The following PLEKHN1 variants were observed in gnomAD, a reference collection of about 807,000 sequenced individuals.
PLEKHN1 encodes pleckstrin homology domain-containing family N member 1.
Under a neutral mutation model 72.8 loss-of-function variants are expected in PLEKHN1, and 68 were observed. The ratio of observed to expected loss-of-function variants is 0.93; its 90% CI spans 0.77 to 1.14. The LOEUF (loss-of-function observed/expected upper bound fraction) is 1.14. PLEKHN1 is among the 50% of genes most tolerant of loss of function. The pLI, the probability that PLEKHN1 is intolerant of heterozygous loss-of-function variation, is 0.00. For synonymous variants in PLEKHN1, 454 were observed against 371.6 expected (o/e 1.22, Z -2.55); for missense variants, 1,015 against 840.5 (o/e 1.21, Z -2.57).
In PLEKHN1 at chr1:974,477, T is replaced by A; in HGVS notation, c.1738T>A (p.Tyr580Asn). 6.2e-7 allele frequency: 1 copy of A among 1,612,800 alleles called. No homozygotes were observed. The highest frequency in any genetic ancestry group is 8.5e-7 in the Non-Finnish European group (1 of 1,179,954). ...CCCCAGGAGGAGCCGGGACCCCGGC[T>A]ACGACCACCTCTGGGACGAGACTTT... The part of the protein sequence containing the change: ...RSPRRSRDPG[Y>N]DHLWDETLSS... Residue 580 changes from tyrosine to asparagine, a missense_variant, in exon 16 of 16, where the codon TAC becomes AAC. Transcript: ENST00000379410.
Position 972,974 on chromosome 1 carries a change from G to T in PLEKHN1, c.1116G>T (p.Val372=). The T allele has an allele frequency of 6.3e-7, 1 of 1,590,204 alleles. No homozygotes were observed. Among genetic ancestry groups the T allele is most frequent in the East Asian group, 2.3e-5 (1 of 43,950 alleles). Residue 372 remains valine (V), a synonymous_variant, in exon 11 of 16, where the codon GTG becomes GTT. Transcript: ENST00000379410. The stretch of plus-strand genomic sequence containing the variant: ...GCCACTCCCTGCCTGAGTCCTCAGT[G>T]CCATCCACCGTGGGCTGCTCCTCCC... ...RTSHSLPESS[V]PSTVGCSSQH...
At chr1:967,188 C>T (rs2100446334) in intron 2 of PLEKHN1, among the ~76,000 whole-genome samples, 1 of 152,322 alleles carries the variant, frequency 6.6e-6, no homozygotes. Flanking sequence ...CGGTCACCTA[C>T]ACCGGCCTTT....
rs748373855 is a variant in PLEKHN1 at position 973,870 on chromosome 1, C to T, written c.1472C>T (p.Pro491Leu). The T allele has an allele frequency of 1.2e-6, 2 of 1,610,766 alleles. No individual in the cohort carries two copies. Among genetic ancestry groups the T allele is most frequent in the Middle Eastern group, 2.1e-4 (1 of 4,820 alleles). ...SAMQSARGPT[P>L]SSPLPSVPVS... ...ATGCAGAGTGCACGTGGACCCACGCCCTCGAGCCCACTCCCCTCGGTGCCT... is the reference window on the plus strand; with the variant it reads ...ATGCAGAGTGCACGTGGACCCACGCTCTCGAGCCCACTCCCCTCGGTGCCT... The change falls in exon 14 of 16, where the codon CCC becomes CTC. Residue 491 changes from proline to leucine, a missense_variant. Pro to Leu is a moderately conservative substitution (Grantham distance 98). Transcript: ENST00000379410.
Position 973,240 on chromosome 1 carries a change from C to A in PLEKHN1, c.1207C>A (p.Arg403Ser), listed in dbSNP as rs369629877. 1 of 1,542,768 alleles carries A rather than the reference C, an allele frequency of 6.5e-7. No homozygotes were observed. Among genetic ancestry groups the A allele is most frequent in the Admixed American group, 2.0e-5 (1 of 50,822 alleles). ...TGGCCGACGGAGGACCGAGCTGAGA[C>A]GCAGTGGCAGCAGCCGGTCACCCGG... ...SIGRRRTELR[R>S]SGSSRSPGSK... Residue 403 changes from arginine (R) to serine (S), a missense_variant, in exon 12 of 16, where the codon CGC becomes AGC. Arg to Ser is a moderately radical substitution (Grantham distance 110). Transcript: ENST00000379410.
Position 970,309 on chromosome 1 carries a change from C to A in PLEKHN1, c.216C>A (p.Asn72Lys). The change falls in exon 3 of 16, where the codon AAC becomes AAA. Residue 72 changes from asparagine (N) to lysine (K), a missense_variant. Asn to Lys is a moderately conservative substitution (Grantham distance 94, BLOSUM62 0). Coordinates refer to ENST00000379410, the MANE Select transcript of PLEKHN1 (RefSeq NM_032129.3). The surrounding 1 kb of genome is among the most constrained non-coding windows in gnomAD (Gnocchi z 4.2). ...DILDLENQRE[N>K]LEQPFLSVFK... is the part of the protein sequence containing the mutation. The stretch of plus-strand genomic sequence containing the variant: ...TGGACCTGGAGAACCAGCGAGAAAA[C>A]CTGGAGCAGCCATTCCTGAGTGTGT... 1 of 1,613,398 alleles carries A rather than the reference C, an allele frequency of 6.2e-7. No homozygotes were observed.
intron 7 of PLEKHN1, 24 bp downstream of exon 7, chr1:971,232 G>A: frequency 6.4e-7 from 1 of 1,563,704 alleles, no homozygotes; most frequent in Non-Finnish European, 8.7e-7. Flanking sequence ...GCGTGGGGCT[G>A]TAGGGGGATG....
intron 10 of PLEKHN1, 88 bp downstream of exon 10, chr1:972,512 TC>T (rs1206049262): frequency 9.2e-6 from 13 of 1,420,352 alleles, no homozygotes. Flanking sequence ...ACGCCTGTAA[TC>T]CCAGCATTTT....
rs1032870474 is a variant in PLEKHN1, at chr1:975,139, GAAGAGAA to G, written c.*565_*571del. The G allele has an allele frequency of 4.6e-5, 7 of 151,714 alleles. No individual in the cohort carries two copies. The highest frequency in any genetic ancestry group is 1.7e-4 in the African/African-American group (7 of 41,014). The allele number at this position is 151,714 out of a possible 1,614,324, so 9.4% of individuals were successfully genotyped here. A position where few individuals can be genotyped will look rare whatever the true frequency, so the allele number is the denominator to read the frequency against. Reference sequence around the variant, plus strand: ...AAGAGAGAGAGGAGAAGAGAGAAAAGAAGAGAAGAGAGAAGAGAAGAGAAGGAAAGAG... The same window carrying G: ...AAGAGAGAGAGGAGAAGAGAGAAAAGGAGAGAAGAGAAGAGAAGGAAAGAG... On this transcript the variant is annotated 3_prime_UTR_variant, in exon 16 of 16. Transcript: ENST00000379410.
At chr1:972,017 C>CA in intron 8 of PLEKHN1, 58 bp from the exon 9 acceptor site, 1 of 1,537,826 alleles carries the variant, frequency 6.5e-7, no homozygotes, top group Non-Finnish European at 8.9e-7. Flanking sequence ...GGGATGAGGC[C>CA]AGGCGGGGCC....
rs780559859 is a variant in PLEKHN1 at position 970,583 on chromosome 1, G to C, written c.393G>C (p.Ser131=). 1.8e-5 allele frequency: 29 copies of C among 1,612,608 alleles called. No individual in the cohort carries two copies. The highest frequency in any genetic ancestry group is 2.2e-5 in the South Asian group (2 of 90,944). Residue 131 remains serine (S), a synonymous_variant, in exon 4 of 16, where the codon TCG becomes TCC. Coordinates refer to ENST00000379410, the MANE Select transcript of PLEKHN1 (RefSeq NM_032129.3). The surrounding 1 kb of genome is among the most constrained non-coding windows in gnomAD (Gnocchi z 4.2). ...ACCTGTACTTCCAGGCCCACGGCTC[G>C]GAAGGACTCACATTTCAGGTGAGGC... The part of the protein sequence containing the change: ...PAHLYFQAHG[S]EGLTFQGLLP...
intron 2 of PLEKHN1, among the ~76,000 whole-genome samples, chr1:967,151 G>C (rs1643043626): frequency 6.6e-6 from 1 of 152,198 alleles, no homozygotes; most frequent in Non-Finnish European, 1.5e-5. Context: ...TTGAGAGTAA[G>C]GGGCCTCAGA....
rs755997177 is a variant in PLEKHN1, at chr1:971,026, C to A, written c.612+20C>A. ...CCACAGGTCAGTGCCGGGGACCCCA[C>A]CCCCCTCCCCACCCTGATCCTCGCA... On this transcript the variant is annotated intron_variant, in intron 6 of 15. Transcript: ENST00000379410. The A allele has an allele frequency of 1.1e-6, 1 of 891,378 alleles. No homozygotes were observed. The highest frequency in any genetic ancestry group is 1.8e-5 in the Admixed American group (1 of 55,916). 55.2% of individuals were successfully genotyped at this position (891,378 alleles called of 1,614,324 possible).
intron 2 of PLEKHN1, among the ~76,000 whole-genome samples, chr1:969,488 ATG>A (rs58914115): frequency 0.021 from 3,261 of 151,822 alleles, 99 homozygotes; most frequent in African/African-American, 0.071. Flanking sequence ...GTGTGCATGC[ATG>A]TGTGTGCATG....
intron 8 of PLEKHN1, 74 bp downstream of exon 8, chr1:971,478 A>T (rs1376366285): frequency 2.2e-6 from 3 of 1,350,748 alleles, no homozygotes; most frequent in Non-Finnish European, 3.1e-6. Flanking sequence ...GCCATGCAGG[A>T]GGAACCTGTA....
rs376427746 is a variant in PLEKHN1 at position 973,527 on chromosome 1, C to T, written c.1321C>T (p.Pro441Ser). ...GCACAGGCTGAGCCTGGAGAGCAGC[C>T]CAGATGCCCCTGACCACACTTCGGA... ...QLHRLSLESS[P>S]DAPDHTSETS... Residue 441 changes from proline to serine, a missense_variant, in exon 13 of 16, where the codon CCA (proline) becomes TCA (serine). Pro to Ser is a moderately conservative substitution (Grantham distance 74). Transcript: ENST00000379410. 7 of 1,613,226 alleles carry T rather than the reference C, an allele frequency of 4.3e-6. No individual in the cohort carries two copies. The highest frequency in any genetic ancestry group is 1.7e-6 in the Non-Finnish European group (2 of 1,179,968).
At chr1:971,456 T>G (rs1570036981) in intron 8 of PLEKHN1, 52 bp downstream of exon 8, 2 of 1,486,756 alleles carry the variant, frequency 1.3e-6, no homozygotes, top group South Asian at 2.4e-5. Context: ...TGTGTGGGGG[T>G]GGGAGGGGGC....
intron 2 of PLEKHN1, among the ~76,000 whole-genome samples, chr1:969,784 T>C (rs1003092153): frequency 5.3e-5 from 8 of 152,070 alleles, no homozygotes; most frequent in South Asian, 4.1e-4. Flanking sequence ...TGTGTGCGTG[T>C]ATGCATTTAT....
In PLEKHN1 at chr1:973,537, C is replaced by A. The variant is rs142233112; in HGVS notation, c.1331C>A (p.Pro444His). ...RLSLESSPDA[P>H]DHTSETSHSP... ...AGCCTGGAGAGCAGCCCAGATGCCCCTGACCACACTTCGGAAACATCACAC... is the reference window on the plus strand; with the variant it reads ...AGCCTGGAGAGCAGCCCAGATGCCCATGACCACACTTCGGAAACATCACAC... The change falls in exon 13 of 16, where the codon CCT becomes CAT. Residue 444 changes from proline (P) to histidine (H), a missense_variant. Coordinates refer to ENST00000379410, the MANE Select transcript of PLEKHN1 (RefSeq NM_032129.3). 39 of 1,613,312 alleles carry A rather than the reference C, an allele frequency of 2.4e-5. No individual in the cohort carries two copies. The Middle Eastern group carries it at 8.2e-4, about 34-fold the overall frequency.
chr1:970,561 TG>T lies in PLEKHN1; in HGVS notation c.372del (p.Tyr125ThrfsTer18), dbSNP rs1238183993. 4.3e-6 allele frequency: 7 copies of T among 1,612,928 alleles called. No homozygotes were observed. In the African/African-American group the frequency reaches 8.0e-5, roughly 18 times the overall value. On this transcript the variant is annotated frameshift_variant, in exon 4 of 16. Coordinates refer to ENST00000379410, the MANE Select transcript of PLEKHN1 (RefSeq NM_032129.3). LOFTEE classifies it high-confidence loss of function. This position sits in a 1 kb window ranked among gnomAD's most constrained non-coding sequence, Gnocchi z 4.2. ...TACCTGGAGCTATTCCCCGCCCACC[TG>T]TACTTCCAGGCCCACGGCTCGGAAG... ...DCYLELFPAH[L>X]YFQAHGSEGL...
Sources: gnomAD v4.1 joint callset for allele counts (sites outside exome capture counted in the v4.1 genomes callset) on GRCh38, gnomAD v4.1.1 for gene constraint, Gnocchi (gnomAD v3.1) non-coding constraint, MANE v1.5 for transcripts, NCBI Gene and HGNC (gene_info 2026-07-23, HGNC 2026-07-21) for gene names.